The following SGCZ variants were observed in gnomAD, a reference collection of about 807,000 sequenced individuals.
SGCZ encodes the protein zeta-sarcoglycan.
SGCZ carries 40 observed loss-of-function variants against 41.3 expected under a neutral mutation model. The ratio of observed to expected loss-of-function variants is 0.97; its 90% confidence interval spans 0.75 to 1.26. The LOEUF is 1.26. Among genes scored for constraint, SGCZ ranks in the 50% most tolerant of loss-of-function variants. The pLI, the probability that SGCZ is intolerant of heterozygous loss-of-function variation, is 0.00. For missense variants in SGCZ, 552 were observed against 369.8 expected (o/e 1.49, Z -4.04); for synonymous variants, 206 against 137.5 (o/e 1.50, Z -3.49).
intron 1 of SGCZ, among the ~76,000 whole-genome samples, chr8:14,811,771 A>G (rs1348208239): frequency 1.3e-5 from 2 of 151,984 alleles, no homozygotes; most frequent in Non-Finnish European, 2.9e-5. Flanking sequence ...ACATGAAGAT[A>G]TTCACTCAAA....
chr8:14,402,748 C>T (rs1483772059), intron 2 of SGCZ, among the ~76,000 whole-genome samples: 1 of 146,892 alleles, frequency 6.8e-6, no homozygotes, highest in African/African-American at 2.7e-5. Context: ...GTTCTTTTGG[C>T]TTAGGATTGA....
intron 1 of SGCZ, among the ~76,000 whole-genome samples, chr8:14,855,828 A>G (rs1489205394): frequency 6.6e-6 from 1 of 152,128 alleles, no homozygotes; most frequent in Non-Finnish European, 1.5e-5. Context: ...CCAGCATGTA[A>G]TTCACTTGAT....
At chr8:14,680,213 C>T (rs28413745) in intron 1 of SGCZ, among the ~76,000 whole-genome samples, 30,166 of 151,932 alleles carry the variant, frequency 0.2, 3,616 homozygotes, top group East Asian at 0.44. Context: ...TAGAGATAAA[C>T]AGGCAAAACA....
intron 1 of SGCZ, among the ~76,000 whole-genome samples, chr8:15,011,622 A>T (rs1036560254): frequency 1.3e-5 from 2 of 152,108 alleles, no homozygotes; most frequent in African/African-American, 4.8e-5. Context: ...GACTATCTCA[A>T]TTTTGAATAA....
At chr8:15,190,407 A>C (rs150347171) in intron 1 of SGCZ, among the ~76,000 whole-genome samples, 20 of 152,220 alleles carry the variant, frequency 1.3e-4, no homozygotes, top group Non-Finnish European at 2.5e-4. Flanking sequence ...TAGGCTTGAC[A>C]CGGCTCAGAA....
rs996292312 is a variant in SGCZ, at chr8:14,086,687, G to A, written c.*3756C>T. On this transcript the variant is annotated 3_prime_UTR_variant, in exon 8 of 8. Coordinates refer to ENST00000382080, the MANE Select transcript of SGCZ (RefSeq NM_139167.4). ...CATATTACTGAATCCTGTTAACCAG[G>A]CATGATTTTTCCAAAGGAACCTTAA... 2.0e-5 allele frequency among the ~76,000 whole-genome samples: 3 copies of A among 151,562 alleles called. No homozygotes were observed. Among genetic ancestry groups the A allele is most frequent in the African/African-American group, 7.3e-5 (3 of 41,364 alleles).
rs1491506920 is a variant in SGCZ, at chr8:14,231,161, G to GTC, written c.424+6430_424+6431insGA. 5.7e-3 allele frequency among the ~76,000 whole-genome samples: 5 copies of GTC among 876 alleles called. No individual in the cohort carries two copies. The East Asian group carries it at 0.12, about 21-fold the overall frequency. The allele number at this position is 876 out of a possible 152,430, so 0.6% of individuals were successfully genotyped here. On this transcript the variant is annotated intron_variant, in intron 4 of 7. Coordinates refer to ENST00000382080, the MANE Select transcript of SGCZ (RefSeq NM_139167.4). Reference sequence around the variant, plus strand: ...TTCCTTGCTTTGATTCTTTGGGCAAGTGTGTGTGTGTGTGTGTGTGTGTGT... The same window carrying GTC: ...TTCCTTGCTTTGATTCTTTGGGCAAGTCTGTGTGTGTGTGTGTGTGTGTGTGT...
intron 2 of SGCZ, among the ~76,000 whole-genome samples, chr8:14,361,340 CT>C (rs1466433651): frequency 2.6e-5 from 4 of 152,152 alleles, no homozygotes; most frequent in African/African-American, 9.7e-5. Flanking sequence ...TAGATTTGGT[CT>C]TTTCACATAG....
At chr8:14,364,987 T>C (rs916395134) in intron 2 of SGCZ, among the ~76,000 whole-genome samples, 1 of 152,130 alleles carries the variant, frequency 6.6e-6, no homozygotes, top group African/African-American at 2.4e-5. Context: ...TCTATCAGAT[T>C]TGTTTTTATA....
intron 1 of SGCZ, among the ~76,000 whole-genome samples, chr8:15,169,114 T>A (rs1799753079): frequency 6.6e-6 from 1 of 152,234 alleles, no homozygotes; most frequent in African/African-American, 2.4e-5. Context: ...CAATGGCCCC[T>A]GCTGGGAACC....
intron 2 of SGCZ, among the ~76,000 whole-genome samples, chr8:14,400,646 A>C (rs1269534309): frequency 1.3e-5 from 2 of 152,088 alleles, no homozygotes; most frequent in Non-Finnish European, 2.9e-5. Context: ...GAATACATGA[A>C]CTTTGCATGT....
chr8:14,855,690 G>C lies in SGCZ; in HGVS notation c.40-300764C>G, dbSNP rs117129627. The stretch of plus-strand genomic sequence containing the variant: ...GGTTGTATTATTGCAAATGCCAACA[G>C]AGGCCTGAGTCTTAGGAATTTTTCC... On this transcript the variant is annotated intron_variant, in intron 1 of 7. Coordinates refer to ENST00000382080, the MANE Select transcript of SGCZ (RefSeq NM_139167.4). Among the ~76,000 whole-genome samples, 1,276 of 152,304 alleles carry C rather than the reference G, an allele frequency of 8.4e-3. 6 individuals are homozygous for C. Among genetic ancestry groups the C allele is most frequent in the Non-Finnish European group, 0.013 (907 of 68,020 alleles).
chr8:14,459,558 G>C (rs1281361193), intron 2 of SGCZ, among the ~76,000 whole-genome samples: 1 of 152,140 alleles, frequency 6.6e-6, no homozygotes, highest in Admixed American at 6.6e-5. Flanking sequence ...AGAAGTTTGA[G>C]GAGAAGCAAG....
At chr8:14,146,890 A>AAAAAAAAAAAATAATAATAAT (rs1182329393) in intron 5 of SGCZ, among the ~76,000 whole-genome samples, 4 of 116,262 alleles carry the variant, frequency 3.4e-5, no homozygotes, top group Non-Finnish European at 7.2e-5. Flanking sequence ...AAAATAAAAA[A>AAAAAAAAAAAATAATAATAAT]AATAATAATA....
intron 1 of SGCZ, among the ~76,000 whole-genome samples, chr8:15,060,316 A>G (rs1025759726): frequency 6.6e-6 from 1 of 152,028 alleles, no homozygotes; most frequent in African/African-American, 2.4e-5. Flanking sequence ...TGGCACATAT[A>G]CACCATGGAA....
chr8:14,704,047 A>C (rs1389499420), intron 1 of SGCZ, among the ~76,000 whole-genome samples: 1 of 151,980 alleles, frequency 6.6e-6, no homozygotes, highest in Non-Finnish European at 1.5e-5. Context: ...TCTCAGTTAT[A>C]CTTACTCAAT....
rs367662045 is a variant in SGCZ at position 14,292,289 on chromosome 8, G to C, written c.336+31814C>G. ...GATGGAGATTTGCATAAACTAATCT[G>C]GGGCAGACATGAGAGTAGCTACTCA... On this transcript the variant is annotated intron_variant, in intron 3 of 7. Transcript: ENST00000382080. Among the ~76,000 whole-genome samples, 150 of 151,964 alleles carry C rather than the reference G, an allele frequency of 9.9e-4. 2 individuals carry two copies. The highest frequency in any genetic ancestry group is 2.3e-3 in the Admixed American group (35 of 15,216).
intron 3 of SGCZ, among the ~76,000 whole-genome samples, chr8:14,317,555 A>T (rs960027533): frequency 6.6e-6 from 1 of 151,942 alleles, no homozygotes; most frequent in African/African-American, 2.4e-5. Context: ...TCTATGACAA[A>T]ACGGAATTGA....
chr8:14,558,604 GA>G (rs1168911498), intron 1 of SGCZ, among the ~76,000 whole-genome samples: 2,499 of 150,588 alleles, frequency 0.017, 44 homozygotes, highest in African/African-American at 0.034. Flanking sequence ...GAGAGAGAGA[GA>G]GAGAGAGAAT....
Sources: allele counts gnomAD v4.1 joint callset (sites outside exome capture counted in the v4.1 genomes callset), GRCh38; gene constraint gnomAD v4.1.1; transcripts MANE v1.5; gene names NCBI Gene and HGNC (gene_info 2026-07-23, HGNC 2026-07-21).